The following CNBD1 variants were observed in gnomAD, a reference collection of about 807,000 sequenced individuals.
The protein encoded by CNBD1 is cyclic nucleotide binding domain containing 1.
In CNBD1, 71 loss-of-function variants were observed where a neutral mutation model predicts 54.4. The observed-to-expected ratio is 1.30, with a 90% CI of 1.08 to 1.59. CNBD1 has a LOEUF of 1.59. CNBD1 is among the 40% of genes most tolerant of loss of function. The probability of loss-of-function intolerance (pLI) is 0.00; values close to 1 mark genes in which losing one functional copy is unlikely to be tolerated. For missense variants in CNBD1, 659 were observed against 518.0 expected (o/e 1.27, Z -2.64); for synonymous variants, 182 against 170.7 (o/e 1.07, Z -0.51).
chr8:87,138,893 A>G (rs1279830353), intron 4 of CNBD1, among the ~76,000 whole-genome samples: 1 of 152,228 alleles, frequency 6.6e-6, no homozygotes, highest in Non-Finnish European at 1.5e-5. Flanking sequence ...GATGTACTTA[A>G]AAGGCAAATT....
chr8:87,237,809 C>T lies in CNBD1; in HGVS notation c.771+697C>T, dbSNP rs80275144. Reference sequence around the variant, plus strand: ...GGGGTACAATCAGAAAAATCCAGAACTAATATCATATTCAAGAGAAATAAG... The same window carrying T: ...GGGGTACAATCAGAAAAATCCAGAATTAATATCATATTCAAGAGAAATAAG... On this transcript the variant is annotated intron_variant, in intron 6 of 10. Transcript: ENST00000518476. Among the ~76,000 whole-genome samples the T allele has an allele frequency of 2.1e-3, 325 of 152,014 alleles. 6 individuals carry two copies. The East Asian group carries it at 0.054, about 25-fold the overall frequency.
At chr8:87,279,144 G>A (rs1808539179) in intron 6 of CNBD1, among the ~76,000 whole-genome samples, 1 of 151,248 alleles carries the variant, frequency 6.6e-6, no homozygotes, top group Non-Finnish European at 1.5e-5. Context: ...AGTATTATCT[G>A]CAATTTCTGC....
intron 6 of CNBD1, among the ~76,000 whole-genome samples, chr8:87,239,868 T>C (rs1358809373): frequency 6.6e-6 from 1 of 152,154 alleles, no homozygotes; most frequent in Non-Finnish European, 1.5e-5. Context: ...AGCTTTTTCA[T>C]TAGAGTTGAT....
In CNBD1 at chr8:86,998,173, C is replaced by G. The variant is rs550210511; in HGVS notation, c.431+58419C>G. Among the ~76,000 whole-genome samples the G allele has an allele frequency of 2.0e-5, 3 of 151,346 alleles. No homozygotes were observed. In the East Asian group the frequency reaches 5.8e-4, roughly 29 times the overall value. On this transcript the variant is annotated intron_variant, in intron 4 of 10. Coordinates refer to ENST00000518476, the MANE Select transcript of CNBD1 (RefSeq NM_173538.3). ...TTAGGTCCCTTGCAGTCACAATGTT[C>G]TCATAACTACATAACCTAGTTTTGT...
intron 4 of CNBD1, among the ~76,000 whole-genome samples, chr8:87,181,944 T>G (rs1385326559): frequency 1.3e-5 from 2 of 152,184 alleles, no homozygotes; most frequent in Non-Finnish European, 2.9e-5. Context: ...GTTTTTTCCA[T>G]GAGTACATTG....
At chr8:87,115,177 T>G (rs543058032) in intron 4 of CNBD1, among the ~76,000 whole-genome samples, 1 of 152,342 alleles carries the variant, frequency 6.6e-6, no homozygotes, top group Admixed American at 6.5e-5. Flanking sequence ...AAACATTTGC[T>G]TTGCAAAACC....
intron 4 of CNBD1, among the ~76,000 whole-genome samples, chr8:87,130,444 C>G (rs192197632): frequency 6.6e-6 from 1 of 152,134 alleles, no homozygotes; most frequent in Admixed American, 6.6e-5. Flanking sequence ...TTATTCGGCC[C>G]TTCTTTGTCC....
In CNBD1 at chr8:87,376,402, G is replaced by C. The variant is rs112988064; in HGVS notation, c.1304-6218G>C. Among the ~76,000 whole-genome samples, 7 of 151,910 alleles carry C rather than the reference G, an allele frequency of 4.6e-5. No individual in the cohort carries two copies. The East Asian group carries it at 1.4e-3, about 30-fold the overall frequency. The stretch of plus-strand genomic sequence containing the variant: ...GCCCTCAGCACCTAATTACTTGCCA[G>C]AAGAAACCTACTAATACCGTCACAT... On this transcript the variant is annotated intron_variant, in intron 10 of 10. Coordinates refer to ENST00000518476, the MANE Select transcript of CNBD1 (RefSeq NM_173538.3).
chr8:87,262,342 A>G (rs928776491), intron 6 of CNBD1, among the ~76,000 whole-genome samples: 3 of 152,090 alleles, frequency 2.0e-5, no homozygotes, highest in African/African-American at 7.2e-5. Flanking sequence ...TTCTGATGTG[A>G]TGTTTAATTT....
chr8:86,902,400 TG>T (rs112999606), intron 2 of CNBD1, among the ~76,000 whole-genome samples: 20 of 152,238 alleles, frequency 1.3e-4, no homozygotes, highest in African/African-American at 3.6e-4. Flanking sequence ...CTACAGGATC[TG>T]AATACACTGA....
At chr8:87,395,585 C>G (rs915116142) in intron 2 of CNBD1, among the ~76,000 whole-genome samples, 1 of 151,802 alleles carries the variant, frequency 6.6e-6, no homozygotes, top group African/African-American at 2.4e-5. Context: ...TTTGTGTTAA[C>G]TCTTCTGAGA....
intron 8 of CNBD1, among the ~76,000 whole-genome samples, chr8:87,292,772 A>C (rs923637985): frequency 5.3e-5 from 8 of 152,154 alleles, no homozygotes; most frequent in Non-Finnish European, 1.2e-4. Flanking sequence ...TATCTGGAAG[A>C]AGTCAGGAGC....
intron 9 of CNBD1, among the ~76,000 whole-genome samples, chr8:87,352,786 A>T (rs1810331973): frequency 1.3e-5 from 2 of 152,332 alleles, no homozygotes; most frequent in South Asian, 4.1e-4. Flanking sequence ...GGAGACTTCA[A>T]TGGAATTCAA....
At chr8:87,353,212 GC>G (rs1810343368) in intron 9 of CNBD1, among the ~76,000 whole-genome samples, 1 of 152,006 alleles carries the variant, frequency 6.6e-6, no homozygotes, top group South Asian at 2.1e-4. Flanking sequence ...ATCGGTTCTG[GC>G]CCTGGCATTT....
chr8:86,987,944 T>A (rs1444820220), intron 4 of CNBD1, among the ~76,000 whole-genome samples: 1 of 152,164 alleles, frequency 6.6e-6, no homozygotes, highest in Non-Finnish European at 1.5e-5. Context: ...ATCAGAGATA[T>A]TGACCTGAAG....
Position 87,424,239 on chromosome 8 carries a change from T to C in CNBD1, c.214-4307T>C, listed in dbSNP as rs187695937. Among the ~76,000 whole-genome samples the C allele has an allele frequency of 1.1e-3, 167 of 152,156 alleles. No individual in the cohort carries two copies. The East Asian group carries it at 0.032, about 29-fold the overall frequency. On this transcript the variant is annotated intron_variant, in intron 2 of 7. Transcript: ENST00000521593. The stretch of plus-strand genomic sequence containing the variant: ...TTCAAAATACCAGCTCCTGGATTCA[T>C]TAATTTTTTGAAGGGTTTTTTGTGT...
chr8:87,064,846 AC>A (rs1174212457), intron 4 of CNBD1, among the ~76,000 whole-genome samples: 5 of 151,946 alleles, frequency 3.3e-5, no homozygotes, highest in African/African-American at 1.2e-4. Flanking sequence ...TCACTTTAGT[AC>A]AACAGACATT....
intron 4 of CNBD1, among the ~76,000 whole-genome samples, chr8:86,942,804 G>A (rs1036525620): frequency 1.3e-5 from 2 of 152,152 alleles, no homozygotes; most frequent in African/African-American, 2.4e-5. Flanking sequence ...AACATCATCA[G>A]TCTATTTCTG....
chr8:86,939,997 A>G (rs752828045), intron 4 of CNBD1, among the ~76,000 whole-genome samples: 1 of 152,118 alleles, frequency 6.6e-6, no homozygotes, highest in Non-Finnish European at 1.5e-5. Context: ...TTAAAATTAA[A>G]CTGCAAGCAA....
Sources: allele counts gnomAD v4.1 joint callset (sites outside exome capture counted in the v4.1 genomes callset), GRCh38; gene constraint gnomAD v4.1.1; transcripts MANE v1.5; gene names NCBI Gene and HGNC (gene_info 2026-07-23, HGNC 2026-07-21).